Variants in OSBPL9 observed in about 807,000 individuals in gnomAD.
The protein encoded by OSBPL9 is oxysterol-binding protein-related protein 9.
In OSBPL9, 40 loss-of-function variants were observed where a neutral mutation model predicts 106.6. That is an observed-to-expected ratio of 0.38 (90% confidence interval 0.29 to 0.49). The LOEUF (loss-of-function observed/expected upper bound fraction) is 0.49, where lower values mean the gene tolerates loss of function less well. Ranked by LOEUF, OSBPL9 falls within the 20% of genes least tolerant of loss-of-function variation. OSBPL9 has a pLI of 0.97. For synonymous variants in OSBPL9, 269 were observed against 295.4 expected (o/e 0.91, Z 0.92); for missense variants, 609 against 887.2 (o/e 0.69, Z 3.98).
chr1:51,743,311 T>A (rs1243054218), intron 4 of OSBPL9, among the ~76,000 whole-genome samples: 1 of 152,202 alleles, frequency 6.6e-6, no homozygotes, highest in East Asian at 1.9e-4. Flanking sequence ...AAGAAGGTTA[T>A]GGAAGACTAT....
At chr1:51,528,582 T>A in the OSBPL9 span, among the ~76,000 whole-genome samples, 35 of 150,802 alleles carry the variant, frequency 2.3e-4, no homozygotes, top group Middle Eastern at 3.5e-3. Flanking sequence ...AATTAAAAAA[T>A]CAATTCCAGC....
Position 51,714,080 on chromosome 1 carries a change from G to A in OSBPL9, c.318+1G>A, listed in dbSNP as rs200737562. The A allele has an allele frequency of 2.0e-5, 32 of 1,603,780 alleles. No individual in the cohort carries two copies. Among genetic ancestry groups the A allele is most frequent in the Admixed American group, 1.3e-4 (8 of 59,458 alleles). On this transcript the variant is annotated splice_donor_variant, in intron 4 of 23. Transcript: ENST00000428468. LOFTEE classifies it high-confidence loss of function. ...TCTTCGACATACTCTCCAGCTTCAA[G>A]TAAGGGTCTTTACATGGTTTCCAGA...
chr1:51,745,388 T>G, intron 4 of OSBPL9, 148 bp from the exon 5 acceptor site: 1 of 1,178,008 alleles, frequency 8.5e-7, no homozygotes, highest in South Asian at 1.6e-5. Context: ...TAAATAGACC[T>G]AACTGTTAAA....
At chr1:51,710,182 C>T (rs1015033406) in intron 3 of OSBPL9, among the ~76,000 whole-genome samples, 1 of 152,262 alleles carries the variant, frequency 6.6e-6, no homozygotes, top group African/African-American at 2.4e-5. Flanking sequence ...ATTGTGAGCA[C>T]ACAGGCGAGG....
At chr1:51,726,103 A>G (rs1663069662) in intron 4 of OSBPL9, among the ~76,000 whole-genome samples, 1 of 152,272 alleles carries the variant, frequency 6.6e-6, no homozygotes, top group African/African-American at 2.4e-5. Context: ...TAAGAAAATC[A>G]TAAGGAAGAT....
chr1:51,518,497 G>A, the OSBPL9 span: 1 of 153,012 alleles, frequency 6.5e-6, no homozygotes, highest in Non-Finnish European at 1.5e-5. Context: ...GGTGGCAAAA[G>A]GCTGCATTGG....
At chr1:51,683,476 A>C (rs1447581093) in intron 3 of OSBPL9, among the ~76,000 whole-genome samples, 1 of 150,808 alleles carries the variant, frequency 6.6e-6, no homozygotes, top group African/African-American at 2.4e-5. Context: ...CACTGTGCCC[A>C]GCCGAGACCA....
chr1:51,711,793 G>A (rs554791497), intron 3 of OSBPL9, among the ~76,000 whole-genome samples: 175 of 150,114 alleles, frequency 1.2e-3, no homozygotes, highest in African/African-American at 4.0e-3. Context: ...GGGCAGAGGC[G>A]CTCCCCACAT....
At chr1:51,560,720 T>C in the OSBPL9 span, among the ~76,000 whole-genome samples, 1 of 152,110 alleles carries the variant, frequency 6.6e-6, no homozygotes, top group Non-Finnish European at 1.5e-5. Flanking sequence ...GGCGTATTGG[T>C]CCCCTCCTTT....
intron 3 of OSBPL9, among the ~76,000 whole-genome samples, chr1:51,691,771 T>A (rs186837150): frequency 6.6e-6 from 1 of 152,134 alleles, no homozygotes; most frequent in African/African-American, 2.4e-5. Flanking sequence ...AAGTTTGTTT[T>A]TTTTTAAATG....
At chr1:51,574,984 T>C (rs554219891), upstream of OSBPL9, among the ~76,000 whole-genome samples, 1 of 152,306 alleles carries the variant, frequency 6.6e-6, no homozygotes, top group South Asian at 2.1e-4. Flanking sequence ...GCATTCTTCT[T>C]GGGTCTTGGC....
chr1:51,642,628 G>A (rs570842810), intron 1 of OSBPL9, among the ~76,000 whole-genome samples: 8 of 152,224 alleles, frequency 5.3e-5, no homozygotes, highest in African/African-American at 1.9e-4. Flanking sequence ...CTCATGAAAT[G>A]GTCACTTAGG....
the OSBPL9 span, among the ~76,000 whole-genome samples, chr1:51,530,170 CAAAAAAAAAAAAAAAAAAAAAACA>C: frequency 2.7e-4 from 3 of 11,034 alleles, no homozygotes; most frequent in South Asian, 3.4e-3. Flanking sequence ...GACTCTGTCT[CAAAAAAAAAAAAAAAAAAAAAACA>C]AAAAAAAAAA....
chr1:51,774,871 A>G (rs766193565), intron 14 of OSBPL9, among the ~76,000 whole-genome samples: 14 of 152,224 alleles, frequency 9.2e-5, no homozygotes, highest in Non-Finnish European at 2.1e-4. Flanking sequence ...GAAGAAAAAA[A>G]TATTTATTTT....
intron 4 of OSBPL9, chr1:51,724,899 G>C: frequency 4.9e-6 from 1 of 202,058 alleles, no homozygotes; most frequent in East Asian, 1.2e-4. Context: ...AAGGGCACAG[G>C]AAAGGGTGTC....
the OSBPL9 span, among the ~76,000 whole-genome samples, chr1:51,544,707 G>A: frequency 6.6e-6 from 1 of 151,884 alleles, no homozygotes; most frequent in Non-Finnish European, 1.5e-5. Flanking sequence ...AATAAAAAAA[G>A]AATGTAGAGT....
intron 2 of OSBPL9, among the ~76,000 whole-genome samples, chr1:51,607,160 T>TTC (rs1321099085): frequency 2.7e-5 from 4 of 150,056 alleles, no homozygotes; most frequent in African/African-American, 9.8e-5. Flanking sequence ...TTTCTTTTCT[T>TTC]TTTCTTTTTT....
At chr1:51,571,007 G>C in the OSBPL9 span, among the ~76,000 whole-genome samples, 1 of 152,064 alleles carries the variant, frequency 6.6e-6, no homozygotes, top group Admixed American at 6.6e-5. Context: ...TTTTAGTAGA[G>C]ATGGGGTTTC....
intron 1 of OSBPL9, among the ~76,000 whole-genome samples, chr1:51,649,308 C>A (rs1570783659): frequency 1.3e-5 from 2 of 152,024 alleles, no homozygotes; most frequent in South Asian, 4.1e-4. Flanking sequence ...GGTTTCACCA[C>A]GTTAGCCAGG....
Sources: gnomAD v4.1 joint callset for allele counts (sites outside exome capture counted in the v4.1 genomes callset) on GRCh38, gnomAD v4.1.1 for gene constraint, MANE v1.5 for transcripts, NCBI Gene and HGNC (gene_info 2026-07-23, HGNC 2026-07-21) for gene names.